Variants in ITPK1 observed in about 807,000 individuals in gnomAD.
ITPK1 encodes the protein inositol 1,3,4-trisphosphate 5/6-kinase.
In ITPK1, 21 loss-of-function variants were observed where a neutral mutation model predicts 45.3. That is an observed-to-expected ratio of 0.46 (90% CI 0.33 to 0.67). The LOEUF (loss-of-function observed/expected upper bound fraction) is 0.67. Among genes scored for constraint, ITPK1 ranks in the 30% least tolerant of loss-of-function variants. The pLI, the probability that ITPK1 is intolerant of heterozygous loss-of-function variation, is 0.02. For synonymous variants in ITPK1, 258 were observed against 253.6 expected, an observed-to-expected ratio of 1.02 and a Z score of -0.16; for missense variants, 474 against 573.5, an observed-to-expected ratio of 0.83 and a Z score of 1.77.
At chr14:93,110,141 C>T (rs1224521616) in intron 2 of ITPK1, among the ~76,000 whole-genome samples, 3 of 152,138 alleles carry the variant, frequency 2.0e-5, no homozygotes, top group African/African-American at 4.8e-5. Context: ...TGGAGTCAGG[C>T]CTGAAACTGA....
At position 93,048,079 on chromosome 14, in the gene ITPK1, T is replaced by C. The variant is rs377290932; in HGVS notation, c.120+28516A>G. On this transcript the variant is annotated intron_variant, in intron 3 of 10. Coordinates refer to ENST00000267615, the MANE Select transcript of ITPK1 (RefSeq NM_014216.6). ...ATTTTTCTTTCATATTGACAGCTGC[T>C]ACTTACAACCTGAAGAGGCTTTACA... Among the ~76,000 whole-genome samples the C allele has an allele frequency of 9.8e-5, 15 of 152,366 alleles. No individual in the cohort carries two copies. In the East Asian group the frequency reaches 1.4e-3, roughly 14 times the overall value.
intron 3 of ITPK1, among the ~76,000 whole-genome samples, chr14:93,048,151 A>AT (rs1889860365): frequency 6.6e-6 from 1 of 152,208 alleles, no homozygotes; most frequent in Non-Finnish European, 1.5e-5. Flanking sequence ...TTCTGACATA[A>AT]CATGTCCAAA....
At chr14:92,950,670 C>A (rs1345939412) in intron 9 of ITPK1, among the ~76,000 whole-genome samples, 1 of 152,132 alleles carries the variant, frequency 6.6e-6, no homozygotes, top group Non-Finnish European at 1.5e-5. Context: ...CTGGCCTTGC[C>A]CCTGAGAGGA....
At chr14:93,040,097 T>C (rs1477391775) in intron 3 of ITPK1, among the ~76,000 whole-genome samples, 1 of 152,250 alleles carries the variant, frequency 6.6e-6, no homozygotes, top group Non-Finnish European at 1.5e-5. Flanking sequence ...CAATGTTTTG[T>C]TCTTTTTGGT....
Position 92,941,698 on chromosome 14 carries a change from C to G in ITPK1, c.1108G>C (p.Ala370Pro), listed in dbSNP as rs761329471. ...GCGTCGGCCTCAGCCTTCCAGGGCGCGTCCTGGCCCATCATGCTGCCGCAG... is the reference window on the plus strand; with the variant it reads ...GCGTCGGCCTCAGCCTTCCAGGGCGGGTCCTGGCCCATCATGCTGCCGCAG... ...GCCGSMMGQD[A>P]PWKAEADAGG... Residue 370 changes from alanine to proline, a missense_variant, in exon 11 of 11, where the codon GCG (alanine) becomes CCG (proline). Physicochemically the swap from Ala to Pro is conservative, Grantham distance 27. This residue lies in a region of ITPK1 where 107 missense variants were observed against 92.9 expected (regional missense o/e 1.15). Coordinates refer to ENST00000267615, the MANE Select transcript of ITPK1 (RefSeq NM_014216.6). 1.9e-6 allele frequency: 3 copies of G among 1,560,492 alleles called. No individual in the cohort carries two copies. Among genetic ancestry groups the G allele is most frequent in the Admixed American group, 1.8e-5 (1 of 54,288 alleles).
At chr14:92,963,908 C>T (rs536592670) in intron 5 of ITPK1, among the ~76,000 whole-genome samples, 92 of 152,282 alleles carry the variant, frequency 6.0e-4, no homozygotes, top group South Asian at 1.0e-3. Flanking sequence ...TGAGTGTGAG[C>T]GGGGCGGGGG....
In ITPK1 at chr14:92,946,365, C is replaced by T. The variant is rs374719299; in HGVS notation, c.867G>A (p.Gly289=). The T allele has an allele frequency of 2.4e-5, 38 of 1,613,476 alleles. No individual in the cohort carries two copies. Among genetic ancestry groups the T allele is most frequent in the Middle Eastern group, 1.7e-4 (1 of 6,060 alleles). ...CATTGATGTCAATGACGGCGTGCTG[C>T]CCTGTCTGGTTGTTGATGATGATGT... ...GIDIIINNQT[G]QHAVIDINAF... Residue 289 remains glycine (G), a synonymous_variant, in exon 10 of 11, where the codon GGG becomes GGA. Transcript: ENST00000267615.
intron 5 of ITPK1, among the ~76,000 whole-genome samples, chr14:92,968,467 C>T (rs548401568): frequency 8.7e-4 from 133 of 152,208 alleles, no homozygotes; most frequent in Non-Finnish European, 1.5e-3. Flanking sequence ...TGCTTCACAA[C>T]CACGGTCTCC....
At chr14:92,946,783 T>C (rs943593368) in intron 9 of ITPK1, among the ~76,000 whole-genome samples, 2 of 152,122 alleles carry the variant, frequency 1.3e-5, no homozygotes, top group African/African-American at 4.8e-5. Context: ...TCAGAGAGGG[T>C]TGGGGCTGGT....
At chr14:92,954,694 C>T (rs912205316) in intron 8 of ITPK1, among the ~76,000 whole-genome samples, 1 of 152,250 alleles carries the variant, frequency 6.6e-6, no homozygotes, top group African/African-American at 2.4e-5. Flanking sequence ...CTCAGCCGTA[C>T]AGCCACGAGC....
chr14:93,053,062 G>C (rs1890082977), intron 3 of ITPK1, among the ~76,000 whole-genome samples: 2 of 151,846 alleles, frequency 1.3e-5, no homozygotes, highest in Admixed American at 1.3e-4. Flanking sequence ...CACCAACATG[G>C]CACATGTATA....
chr14:93,044,845 G>C (rs991277733), intron 3 of ITPK1, among the ~76,000 whole-genome samples: 1 of 152,182 alleles, frequency 6.6e-6, no homozygotes, highest in African/African-American at 2.4e-5. Flanking sequence ...ACTAGCGTGG[G>C]CCGCAAGTCA....
intron 3 of ITPK1, among the ~76,000 whole-genome samples, chr14:93,024,927 G>A (rs1471350739): frequency 1.3e-5 from 2 of 152,266 alleles, no homozygotes; most frequent in East Asian, 3.9e-4. Context: ...TGCAGGGATT[G>A]AGGCTGGGGG....
At chr14:93,092,899 C>T (rs961735901) in intron 2 of ITPK1, among the ~76,000 whole-genome samples, 3 of 152,286 alleles carry the variant, frequency 2.0e-5, no homozygotes, top group Admixed American at 6.5e-5. Flanking sequence ...CTGCCTCAGC[C>T]GAACCCACCA....
At chr14:93,087,092 T>C (rs995824452) in intron 2 of ITPK1, among the ~76,000 whole-genome samples, 10 of 152,158 alleles carry the variant, frequency 6.6e-5, no homozygotes, top group Non-Finnish European at 1.2e-4. Context: ...ATCACAACAG[T>C]AGTGGCTAAA....
At chr14:92,993,791 C>G (rs1451556036) in intron 5 of ITPK1, 89 bp downstream of exon 5, 1 of 795,084 alleles carries the variant, frequency 1.3e-6, no homozygotes, top group East Asian at 2.5e-5. Context: ...AAAGACAAGA[C>G]CCCTCTGTCT....
At chr14:93,007,923 A>AG (rs1246736923) in intron 4 of ITPK1, among the ~76,000 whole-genome samples, 7 of 152,202 alleles carry the variant, frequency 4.6e-5, no homozygotes, top group Non-Finnish European at 7.3e-5. Context: ...GGGCCATCAA[A>AG]GAGGGGAGCT....
chr14:92,998,558 A>C (rs2139818494), intron 4 of ITPK1, among the ~76,000 whole-genome samples: 1 of 152,362 alleles, frequency 6.6e-6, no homozygotes, highest in Admixed American at 6.5e-5. Context: ...GAAGTAGGTG[A>C]GGGACGGATG....
intron 4 of ITPK1, among the ~76,000 whole-genome samples, chr14:92,995,255 G>A (rs975081830): frequency 2.0e-5 from 3 of 152,216 alleles, no homozygotes; most frequent in East Asian, 1.9e-4. Context: ...TGATTCCTCC[G>A]CCCAGCCAGC....
Sources: gnomAD v4.1 joint callset for allele counts (sites outside exome capture counted in the v4.1 genomes callset) on GRCh38, gnomAD v4.1.1 for gene constraint, gnomAD v4.1.1 regional missense constraint, MANE v1.5 for transcripts, NCBI Gene and HGNC (gene_info 2026-07-23, HGNC 2026-07-21) for gene names.